BOC: variants seen among roughly 807,000 people sequenced by gnomAD.
The protein encoded by BOC is BOC cell adhesion associated, oncogene regulated.
In BOC, 76 loss-of-function variants were observed where a neutral mutation model predicts 112.0. The observed-to-expected ratio is 0.68, with a 90% CI of 0.56 to 0.82. BOC has a LOEUF of 0.82. Ranked by LOEUF, BOC falls within the 40% of genes least tolerant of loss-of-function variation. The pLI, the probability that BOC is intolerant of heterozygous loss-of-function variation, is 0.00. For synonymous variants in BOC, 580 were observed against 599.8 expected, an observed-to-expected ratio of 0.97 and a Z score of 0.48; for missense variants, 1,309 against 1,511.7, an observed-to-expected ratio of 0.87 and a Z score of 2.22.
At chr3:113,214,446 A>T (rs1938929902) in intron 1 of BOC, among the ~76,000 whole-genome samples, 2 of 152,168 alleles carry the variant, frequency 1.3e-5, no homozygotes, top group Admixed American at 1.3e-4. Flanking sequence ...CGTGTCCCCT[A>T]GGGGGTCTGG....
chr3:113,236,292 A>ATATATATATATCCATGGG (rs1943520572), intron 2 of BOC, among the ~76,000 whole-genome samples: 1 of 48,380 alleles, frequency 2.1e-5, no homozygotes, highest in Non-Finnish European at 3.6e-5. Context: ...GTATATATAT[A>ATATATATATATCCATGGG]TATATATATA....
At chr3:113,271,547 CTGTGAAGCT>C in intron 6 of BOC, 1 of 223,468 alleles carries the variant, frequency 4.5e-6, no homozygotes, top group Non-Finnish European at 9.0e-6. Flanking sequence ...GATGGAATCA[CTGTGAAGCT>C]AATGAAGTTA....
chr3:113,255,682 G>GC (rs1426568282), intron 4 of BOC, among the ~76,000 whole-genome samples: 1 of 152,040 alleles, frequency 6.6e-6, no homozygotes, highest in Non-Finnish European at 1.5e-5. Flanking sequence ...GCCTCCTAGC[G>GC]CCAAGGCCAG....
Position 113,274,562 on chromosome 3 carries a change from T to A in BOC, c.1422T>A (p.Ala474=). 1 of 1,613,528 alleles carries A rather than the reference T, an allele frequency of 6.2e-7. No individual in the cohort carries two copies. Among genetic ancestry groups the A allele is most frequent in the Non-Finnish European group, 8.5e-7 (1 of 1,179,950 alleles). The change falls in exon 9 of 20, where the codon GCT becomes GCA. Residue 474 remains alanine (A), a synonymous_variant. Transcript: ENST00000682979. The surrounding 1 kb of genome is among the most constrained non-coding windows in gnomAD (Gnocchi z 4.8). ...GEKGQGAPAE[A]PIILSSPRTS... ...AGGGGCAGGGGGCTCCCGCCGAGGC[T>A]CCCATCATCCTCAGCTCGCCCCGCA... is the stretch of plus-strand genomic sequence containing the variant.
At chr3:113,262,924 G>T (rs547298432) in intron 4 of BOC, among the ~76,000 whole-genome samples, 1 of 152,210 alleles carries the variant, frequency 6.6e-6, no homozygotes, top group Non-Finnish European at 1.5e-5. Flanking sequence ...AGCCAAGTCT[G>T]TCTGATAGCC....
At chr3:113,249,122 G>A (rs754410289) in intron 2 of BOC, among the ~76,000 whole-genome samples, 1 of 152,116 alleles carries the variant, frequency 6.6e-6, no homozygotes, top group Non-Finnish European at 1.5e-5. Flanking sequence ...ATAAAAGGGA[G>A]TTTTCAGGGA....
Position 113,278,726 on chromosome 3 carries a change from G to A in BOC, c.1759G>A (p.Asp587Asn), listed in dbSNP as rs747421184. ...MASKEQQIQRDDPGASPQSSS... is the reference protein window; with the variant it reads ...MASKEQQIQRNDPGASPQSSS... ...CAGCAAAGAGCAGCAGATCCAGAGA[G>A]ACGACCCTGGAGCCAGTCCCCAGAG... The change falls in exon 11 of 20, where the codon GAC becomes AAC. Residue 587 changes from aspartate to asparagine, a missense_variant. Physicochemically the swap from Asp to Asn is conservative, Grantham distance 23. Transcript: ENST00000682979. The surrounding 1 kb of genome is among the most constrained non-coding windows in gnomAD (Gnocchi z 4.2). The A allele has an allele frequency of 7.0e-6, 11 of 1,568,136 alleles. No homozygotes were observed. The Admixed American group carries it at 1.1e-4, about 16-fold the overall frequency.
chr3:113,279,810 G>A lies in BOC; in HGVS notation c.2024-14G>A, dbSNP rs1003277999. The A allele has an allele frequency of 3.8e-6, 6 of 1,593,430 alleles. No homozygotes were observed. The highest frequency in any genetic ancestry group is 3.4e-5 in the Admixed American group (2 of 58,074). ...TTCCCAGCTCCTGAGTTCAGTGAGT[G>A]TCCCTCTCACCAGGCACCTCCTACA... On this transcript the variant is annotated splice_polypyrimidine_tract_variant and intron_variant, in intron 12 of 19. Transcript: ENST00000682979.
intron 2 of BOC, among the ~76,000 whole-genome samples, chr3:113,225,812 G>A (rs372006845): frequency 7.2e-5 from 11 of 152,350 alleles, no homozygotes; most frequent in South Asian, 4.1e-4. Flanking sequence ...AGGCTGTAAC[G>A]GTGGTTACTA....
rs146067294 is a variant in BOC at position 113,253,132 on chromosome 3, C to A, written c.376+2299C>A. Among the ~76,000 whole-genome samples, 26 of 152,276 alleles carry A rather than the reference C, an allele frequency of 1.7e-4. No individual in the cohort carries two copies. The East Asian group carries it at 4.8e-3, about 28-fold the overall frequency. ...CACCACCATCATTTTGGAGTATACC[C>A]TTCCAGTCTTTATCCCTGCTCATAT... On this transcript the variant is annotated intron_variant, in intron 4 of 19. Transcript: ENST00000682979.
In BOC at chr3:113,272,522, A is replaced by C; in HGVS notation, c.780A>C (p.Pro260=). 6.2e-7 allele frequency: 1 copy of C among 1,613,866 alleles called. No homozygotes were observed. The highest frequency in any genetic ancestry group is 8.5e-7 in the Non-Finnish European group (1 of 1,179,952). The change falls in exon 7 of 20, where the codon CCA becomes CCC. Residue 260 remains proline (P), a synonymous_variant. Coordinates refer to ENST00000682979, the MANE Select transcript of BOC (RefSeq NM_001378074.1). ...LECVASGIPP[P]RVTWAKDGSS... ...GTGTGGCCAGTGGAATCCCACCCCCACGGGTCACCTGGGCCAAGGATGGGT... is the reference window on the plus strand; with the variant it reads ...GTGTGGCCAGTGGAATCCCACCCCCCCGGGTCACCTGGGCCAAGGATGGGT...
chr3:113,215,010 G>C (rs561893874), intron 1 of BOC, among the ~76,000 whole-genome samples: 1 of 152,202 alleles, frequency 6.6e-6, no homozygotes, highest in Non-Finnish European at 1.5e-5. Context: ...TGTGATAAGA[G>C]TATGAACTTT....
intron 2 of BOC, among the ~76,000 whole-genome samples, chr3:113,217,955 T>C (rs1329908975): frequency 1.3e-5 from 2 of 152,216 alleles, no homozygotes; most frequent in East Asian, 3.8e-4. Context: ...AATACATGCC[T>C]GAATTCAGCT....
Position 113,278,653 on chromosome 3 carries a change from T to C in BOC, c.1706-20T>C. On this transcript the variant is annotated intron_variant, in intron 10 of 19. Coordinates refer to ENST00000682979, the MANE Select transcript of BOC (RefSeq NM_001378074.1). This position sits in a 1 kb window ranked among gnomAD's most constrained non-coding sequence, Gnocchi z 4.2. Reference sequence around the variant, plus strand: ...CATGCCTGCTTCCTCCCTTGCTGACTACAACCCATTTCCACCCAGGACGGC... The same window carrying C: ...CATGCCTGCTTCCTCCCTTGCTGACCACAACCCATTTCCACCCAGGACGGC... The C allele has an allele frequency of 6.5e-7, 1 of 1,549,816 alleles. No homozygotes were observed. The highest frequency in any genetic ancestry group is 8.7e-7 in the Non-Finnish European group (1 of 1,144,674).
In BOC at chr3:113,284,532, A is replaced by C; in HGVS notation, c.2854A>C (p.Lys952Gln). Residue 952 changes from lysine to glutamine, a missense_variant, in exon 17 of 20, where the codon AAG becomes CAG. Lys to Gln is a moderately conservative substitution (Grantham distance 53). Transcript: ENST00000682979. ...PSAAVGYPGM[K>Q]PQQHCPGELQ... ...GGCTGCAGTGGGCTACCCGGGCATG[A>C]AGCCCCAGCAGCACTGCCCAGGCGA... 1 of 1,613,908 alleles carries C rather than the reference A, an allele frequency of 6.2e-7. No individual in the cohort carries two copies. Among genetic ancestry groups the C allele is most frequent in the Non-Finnish European group, 8.5e-7 (1 of 1,179,838 alleles).
At chr3:113,260,464 G>A (rs1041941979) in intron 4 of BOC, among the ~76,000 whole-genome samples, 1 of 152,166 alleles carries the variant, frequency 6.6e-6, no homozygotes, top group Non-Finnish European at 1.5e-5. Flanking sequence ...GAACCTCAGG[G>A]AGATGCCAGT....
intron 12 of BOC, 38 bp downstream of exon 12, chr3:113,279,493 C>G: frequency 6.3e-7 from 1 of 1,584,334 alleles, no homozygotes; most frequent in Non-Finnish European, 8.6e-7. Context: ...GGCCTGATCC[C>G]CCAGCTGCCC....
chr3:113,216,035 G>A (rs1180919816), intron 1 of BOC, among the ~76,000 whole-genome samples, 152 bp from the exon 2 acceptor site: 1 of 152,196 alleles, frequency 6.6e-6, no homozygotes, highest in Non-Finnish European at 1.5e-5. Context: ...GAGGCCTATG[G>A]TCTTAGAAAA....
In BOC at chr3:113,284,410, G is replaced by A. The variant is rs749637146; in HGVS notation, c.2732G>A (p.Gly911Glu). The stretch of plus-strand genomic sequence containing the variant: ...CCGTATACTATGGTGCCATTGGGAG[G>A]ACTCCCAGGCCACCAGGCCAGTGGA... ...SCPYTMVPLG[G>E]LPGHQASGQP... Residue 911 changes from glycine to glutamate, a missense_variant, in exon 17 of 20, where the codon GGA becomes GAA. Coordinates refer to ENST00000682979, the MANE Select transcript of BOC (RefSeq NM_001378074.1). 1.2e-6 allele frequency: 2 copies of A among 1,614,236 alleles called. No homozygotes were observed. The highest frequency in any genetic ancestry group is 2.2e-5 in the South Asian group (2 of 91,088).
Sources: gnomAD v4.1 joint callset for allele counts (sites outside exome capture counted in the v4.1 genomes callset) on GRCh38, gnomAD v4.1.1 for gene constraint, Gnocchi (gnomAD v3.1) non-coding constraint, MANE v1.5 for transcripts, NCBI Gene and HGNC (gene_info 2026-07-23, HGNC 2026-07-21) for gene names.